Variants in TUT7 observed in about 807,000 individuals in gnomAD.
The protein encoded by TUT7 is terminal uridylyl transferase 7.
TUT7 carries 33 observed loss-of-function variants against 165.9 expected under a neutral mutation model. The ratio of observed to expected loss-of-function variants is 0.20; its 90% CI spans 0.15 to 0.27. The LOEUF (loss-of-function observed/expected upper bound fraction) is 0.27. Ranked by LOEUF, TUT7 falls within the 10% of genes least tolerant of loss-of-function variation. The pLI is 1.00. For synonymous variants in TUT7, 552 were observed against 608.1 expected (o/e 0.91, Z 1.36); for missense variants, 1,338 against 1,762.3 (o/e 0.76, Z 4.31).
intron 26 of TUT7, among the ~76,000 whole-genome samples, chr9:86,295,556 T>C (rs925572930): frequency 4.6e-5 from 7 of 152,166 alleles, no homozygotes; most frequent in African/African-American, 1.7e-4. Flanking sequence ...ATTAATACAC[T>C]AGAATATTCA....
Position 86,328,497 on chromosome 9 carries a change from G to C in TUT7, c.1456-5C>G. On this transcript the variant is annotated splice_region_variant and splice_polypyrimidine_tract_variant and intron_variant, in intron 10 of 26. Coordinates refer to ENST00000375963, the MANE Select transcript of TUT7 (RefSeq NM_024617.4). Reference sequence around the variant, plus strand: ...GCTTAATGAGAATCCTTCAATCTAGGAAAAATTAGACACATGCTAAAATAA... The same window carrying C: ...GCTTAATGAGAATCCTTCAATCTAGCAAAAATTAGACACATGCTAAAATAA... 6.3e-7 allele frequency: 1 copy of C among 1,594,730 alleles called. No homozygotes were observed.
Position 86,325,379 on chromosome 9 carries a change from A to G in TUT7, c.1744T>C (p.Ser582Pro), listed in dbSNP as rs770189931. The G allele has an allele frequency of 2.5e-6, 4 of 1,614,148 alleles. 1 individual carries two copies. In the South Asian group the frequency reaches 3.3e-5, roughly 13 times the overall value. ...VISIRVKELVSRELKDWPKKR... is the reference protein window; with the variant it reads ...VISIRVKELVPRELKDWPKKR... ...TTGGGCCAATCCTTCAATTCCCGAG[A>G]TACCAATTCTTTGACACGAATACTT... Residue 582 changes from serine (S) to proline (P), a missense_variant, in exon 12 of 27, where the codon TCT becomes CCT. Coordinates refer to ENST00000375963, the MANE Select transcript of TUT7 (RefSeq NM_024617.4).
At position 86,323,175 on chromosome 9, in the gene TUT7, C is replaced by G. The variant is rs1331459283; in HGVS notation, c.2575G>C (p.Glu859Gln). 3 of 1,614,024 alleles carry G rather than the reference C, an allele frequency of 1.9e-6. No homozygotes were observed. The highest frequency in any genetic ancestry group is 4.5e-5 in the East Asian group (2 of 44,888). The change falls in exon 13 of 27, where the codon GAA becomes CAA. Residue 859 changes from glutamate (E) to glutamine (Q), a missense_variant. Coordinates refer to ENST00000375963, the MANE Select transcript of TUT7 (RefSeq NM_024617.4). ...CTTTGGTTAATGGTGAGCCTAGGTT[C>G]TTCTTCCTCCTCCTCTTCTTCGTCG... ...EDDEEEEEEE[E>Q]PRLTINQRED...
At chr9:86,321,642 T>C (rs138919733) in intron 14 of TUT7, among the ~76,000 whole-genome samples, 4 of 152,114 alleles carry the variant, frequency 2.6e-5, no homozygotes, top group Middle Eastern at 3.4e-3. Flanking sequence ...GGCAGAAGAA[T>C]TGCTTGAGTC....
rs537868693 is a variant in TUT7 at position 86,353,225 on chromosome 9, T to C, written c.-26A>G. 17 of 1,534,416 alleles carry C rather than the reference T, an allele frequency of 1.1e-5. No homozygotes were observed. In the Admixed American group the frequency reaches 1.8e-4, roughly 16 times the overall value. On this transcript the variant is annotated 5_prime_UTR_variant, in exon 2 of 27. Transcript: ENST00000375963. ...GGTCTTTGACTTCAATTTTCTTACT[T>C]TGCACCTGAAAGAAGGTATTTTGGG...
Position 86,288,774 on chromosome 9 carries a change from A to G in TUT7, c.4421-30T>C. 4 of 1,576,830 alleles carry G rather than the reference A, an allele frequency of 2.5e-6. No individual in the cohort carries two copies. The East Asian group carries it at 6.7e-5, about 26-fold the overall frequency. ...AGGAGGGGAAGAAACAAAACCCAAT[A>G]TAAATGAAACAAGCCTCGCTTTATG... On this transcript the variant is annotated intron_variant, in intron 26 of 26. Transcript: ENST00000375963.
At chr9:86,309,815 T>C (rs1196939535) in intron 19 of TUT7, 113 bp downstream of exon 19, 2 of 1,107,846 alleles carry the variant, frequency 1.8e-6, no homozygotes, top group East Asian at 5.0e-5. Flanking sequence ...CCCAAATAGC[T>C]ACATGAAGCA....
rs146829141 is a variant in TUT7, at chr9:86,296,100, T to G, written c.4420+5176A>C. ...GAAGAGAGAAATTACAGCAAGTGTT[T>G]GTTAACCACAGTAACAAAGGGCAGT... is the stretch of plus-strand genomic sequence containing the variant. On this transcript the variant is annotated intron_variant, in intron 26 of 26. Coordinates refer to ENST00000375963, the MANE Select transcript of TUT7 (RefSeq NM_024617.4). Among the ~76,000 whole-genome samples the G allele has an allele frequency of 2.0e-3, 304 of 152,372 alleles. 2 individuals carry two copies. The highest frequency in any genetic ancestry group is 2.7e-3 in the South Asian group (13 of 4,832).
rs756560598 is a variant in TUT7, at chr9:86,311,009, T to C, written c.3275-200A>G. Among the ~76,000 whole-genome samples, 9 of 152,380 alleles carry C rather than the reference T, an allele frequency of 5.9e-5. No homozygotes were observed. Among genetic ancestry groups the C allele is most frequent in the East Asian group, 1.9e-4 (1 of 5,192 alleles). Reference sequence around the variant, plus strand: ...GCAAAGTTTACATTTATTAAACATATTGATATTAGAACTACAAGAATCAAA... The same window carrying C: ...GCAAAGTTTACATTTATTAAACATACTGATATTAGAACTACAAGAATCAAA... On this transcript the variant is annotated intron_variant, in intron 17 of 26. Coordinates refer to ENST00000375963, the MANE Select transcript of TUT7 (RefSeq NM_024617.4). This position sits in a 1 kb window ranked among gnomAD's most constrained non-coding sequence, Gnocchi z 4.4.
At position 86,308,585 on chromosome 9, in the gene TUT7, C is replaced by T; in HGVS notation, c.3682G>A (p.Gly1228Arg). ...TGCCCAACAGATTCTGTATTTTTTC[C>T]ACATTCTGACCAATAGGTAGGCTAG... ...DELPTYWSECGKNTESVGQLW... is the reference protein window; with the variant it reads ...DELPTYWSECRKNTESVGQLW... The change falls in exon 22 of 27, where the codon GGA (glycine) becomes AGA (arginine). Residue 1228 changes from glycine (G) to arginine (R), a missense_variant. Gly to Arg is a moderately radical substitution (Grantham distance 125). Coordinates refer to ENST00000375963, the MANE Select transcript of TUT7 (RefSeq NM_024617.4). The T allele has an allele frequency of 6.2e-7, 1 of 1,613,100 alleles. No individual in the cohort carries two copies.
intron 11 of TUT7, among the ~76,000 whole-genome samples, 188 bp from the exon 12 acceptor site, chr9:86,325,702 G>A (rs1471721798): frequency 1.3e-5 from 2 of 152,160 alleles, no homozygotes; most frequent in Admixed American, 6.5e-5. Context: ...TTACTTCACT[G>A]CACTATTAGG....
At chr9:86,313,999 A>ATC (rs1414582184) in intron 17 of TUT7, among the ~76,000 whole-genome samples, 1 of 152,250 alleles carries the variant, frequency 6.6e-6, no homozygotes, top group Admixed American at 6.5e-5. Flanking sequence ...CTGAATACTT[A>ATC]GAATATGCTA....
intron 22 of TUT7, among the ~76,000 whole-genome samples, chr9:86,306,873 TGAATGA>T (rs1462364675): frequency 3.3e-5 from 5 of 152,240 alleles, no homozygotes; most frequent in African/African-American, 1.2e-4. Flanking sequence ...TATATGATTA[TGAATGA>T]AGCCTTCTTT....
At chr9:86,293,985 A>G (rs1230155702) in intron 26 of TUT7, among the ~76,000 whole-genome samples, 2 of 152,174 alleles carry the variant, frequency 1.3e-5, no homozygotes, top group African/African-American at 4.8e-5. Flanking sequence ...ACCTCAGGTG[A>G]TCCACCCGCC....
Position 86,323,164 on chromosome 9 carries a change from G to T in TUT7, c.2586C>A (p.Leu862=). 6.2e-7 allele frequency: 1 copy of T among 1,614,114 alleles called. No homozygotes were observed. Among genetic ancestry groups the T allele is most frequent in the Non-Finnish European group, 8.5e-7 (1 of 1,180,030 alleles). The stretch of plus-strand genomic sequence containing the variant: ...CTTCATCTTCCCTTTGGTTAATGGT[G>T]AGCCTAGGTTCTTCTTCCTCCTCCT... ...EEEEEEEEPR[L]TINQREDEDG... Residue 862 remains leucine, a synonymous_variant, in exon 13 of 27, where the codon CTC becomes CTA. Transcript: ENST00000375963.
chr9:86,352,052 T>C (rs1339856879), intron 2 of TUT7, among the ~76,000 whole-genome samples: 1 of 152,154 alleles, frequency 6.6e-6, no homozygotes, highest in Non-Finnish European at 1.5e-5. Flanking sequence ...AAATTAGTTT[T>C]GGTCTTACTG....
intron 9 of TUT7, among the ~76,000 whole-genome samples, chr9:86,338,597 T>G (rs552284526): frequency 6.6e-6 from 1 of 152,302 alleles, no homozygotes; most frequent in Non-Finnish European, 1.5e-5. Flanking sequence ...AAATCTGATT[T>G]TTAATAAGCC....
intron 7 of TUT7, 104 bp from the exon 8 acceptor site, chr9:86,340,209 T>TC: frequency 1.1e-6 from 1 of 913,056 alleles, no homozygotes; most frequent in South Asian, 1.5e-5. Context: ...CTGTTGAGTC[T>TC]TTTGAAAGAC....
intron 26 of TUT7, among the ~76,000 whole-genome samples, chr9:86,300,377 G>A (rs1826766354): frequency 6.6e-6 from 1 of 152,160 alleles, no homozygotes; most frequent in East Asian, 1.9e-4. Context: ...TAAAGCAGCT[G>A]ACACTTTATG....
Sources: gnomAD v4.1 joint callset for allele counts (sites outside exome capture counted in the v4.1 genomes callset) on GRCh38, gnomAD v4.1.1 for gene constraint, Gnocchi (gnomAD v3.1) non-coding constraint, MANE v1.5 for transcripts, NCBI Gene and HGNC (gene_info 2026-07-23, HGNC 2026-07-21) for gene names.